The following CADPS variants were observed in gnomAD, a reference collection of about 807,000 sequenced individuals.
The protein encoded by CADPS is calcium-dependent secretion activator 1.
CADPS carries 57 observed loss-of-function variants against 167.3 expected under a neutral mutation model. The ratio of observed to expected loss-of-function variants is 0.34; its 90% CI spans 0.28 to 0.42. The LOEUF (loss-of-function observed/expected upper bound fraction) is 0.42. Ranked by LOEUF, CADPS falls within the 20% of genes least tolerant of loss-of-function variation. The pLI is 1.00. For synonymous variants in CADPS, 676 were observed against 635.3 expected (o/e 1.06, Z -0.96); for missense variants, 1,414 against 1,738.1 (o/e 0.81, Z 3.32).
At chr3:62,703,303 T>A (rs1435405576) in intron 3 of CADPS, among the ~76,000 whole-genome samples, 1 of 152,130 alleles carries the variant, frequency 6.6e-6, no homozygotes, top group Non-Finnish European at 1.5e-5. Flanking sequence ...GAACTCCAGA[T>A]GCTTTTCTAC....
At chr3:62,452,289 T>C (rs144180897) in intron 26 of CADPS, among the ~76,000 whole-genome samples, 21 of 152,338 alleles carry the variant, frequency 1.4e-4, no homozygotes, top group African/African-American at 5.0e-4. Context: ...ATTGCACTTG[T>C]ATATTAAGGT....
intron 11 of CADPS, among the ~76,000 whole-genome samples, chr3:62,547,599 C>CG (rs1553906311): frequency 3.5e-5 from 4 of 113,240 alleles, no homozygotes; most frequent in African/African-American, 8.3e-5. Flanking sequence ...CCCCCCCCCC[C>CG]GCAAATTCTA....
At chr3:62,533,601 T>A (rs2151994014) in intron 12 of CADPS, among the ~76,000 whole-genome samples, 2 of 152,300 alleles carry the variant, frequency 1.3e-5, no homozygotes, top group East Asian at 3.9e-4. Flanking sequence ...CTCACACAGA[T>A]AATACAAAAC....
intron 1 of CADPS, among the ~76,000 whole-genome samples, chr3:62,798,770 C>T (rs2093601631): frequency 6.6e-6 from 1 of 152,092 alleles, no homozygotes; most frequent in Admixed American, 6.6e-5. Context: ...CTTCTTTACA[C>T]AATGTTTCAC....
intron 6 of CADPS, among the ~76,000 whole-genome samples, chr3:62,596,088 TACACACACACACACACAC>T (rs56780830): frequency 0.045 from 6,060 of 135,848 alleles, 160 homozygotes; most frequent in South Asian, 0.069. Context: ...TATATATGTA[TACACACACACACACACAC>T]ACACACACAC....
intron 29 of CADPS, among the ~76,000 whole-genome samples, chr3:62,402,250 G>GC (rs1491049141): frequency 8.2e-6 from 1 of 122,138 alleles, no homozygotes; most frequent in East Asian, 2.7e-4. Context: ...GGGGGGGGGG[G>GC]GTGCCCAGGA....
intron 1 of CADPS, among the ~76,000 whole-genome samples, chr3:62,873,617 C>CTTTTT (rs3047307): frequency 0.11 from 14,425 of 132,058 alleles, 1,005 homozygotes; most frequent in Non-Finnish European, 0.14. Context: ...AAATAGGCGC[C>CTTTTT]TTTTTTTTTT....
chr3:62,583,691 T>C (rs748401645), intron 8 of CADPS, among the ~76,000 whole-genome samples: 1 of 152,200 alleles, frequency 6.6e-6, no homozygotes, highest in Non-Finnish European at 1.5e-5. Context: ...AGCTCACAGG[T>C]GACCTTTGCT....
chr3:62,770,221 T>C lies in CADPS; in HGVS notation c.442-4237A>G, dbSNP rs1205384256. 2.6e-5 allele frequency among the ~76,000 whole-genome samples: 4 copies of C among 152,274 alleles called. No individual in the cohort carries two copies. In the Middle Eastern group the frequency reaches 0.01, roughly 388 times the overall value. On this transcript the variant is annotated intron_variant, in intron 1 of 29. Transcript: ENST00000383710. ...CTTAGGATTCAGCCAAGCCAGCATC[T>C]CCTGGGAAGCTCTTCCCTGACCATT...
At chr3:62,703,535 TA>T (rs755610938) in intron 3 of CADPS, among the ~76,000 whole-genome samples, 51 of 152,258 alleles carry the variant, frequency 3.3e-4, no homozygotes, top group Middle Eastern at 3.4e-3. Context: ...GCCAGGAAGC[TA>T]AAATTGAATT....
chr3:62,778,969 C>T (rs144460030), intron 1 of CADPS, among the ~76,000 whole-genome samples: 3,459 of 151,796 alleles, frequency 0.023, 61 homozygotes, highest in South Asian at 0.061. Context: ...CAGCTCACTG[C>T]AACCTCCACC....
intron 3 of CADPS, among the ~76,000 whole-genome samples, chr3:62,698,757 T>TTTC (rs1554088701): frequency 0.034 from 2,715 of 79,342 alleles, 513 homozygotes; most frequent in East Asian, 0.047. Flanking sequence ...TTTTTTTTTT[T>TTTC]CAGACAGGGT....
chr3:62,709,455 T>G (rs1037424029), intron 3 of CADPS, among the ~76,000 whole-genome samples: 3 of 152,200 alleles, frequency 2.0e-5, no homozygotes, highest in African/African-American at 7.2e-5. Flanking sequence ...AGTTTCCTCC[T>G]GTGAGTTTTC....
At chr3:62,425,770 C>G (rs1397968313) in intron 28 of CADPS, among the ~76,000 whole-genome samples, 1 of 152,136 alleles carries the variant, frequency 6.6e-6, no homozygotes, top group African/African-American at 2.4e-5. Context: ...AGGAGAAGCT[C>G]TGTTAAGGCT....
chr3:62,662,311 T>C lies in CADPS; in HGVS notation c.969+3A>G, dbSNP rs561430193. The C allele has an allele frequency of 3.1e-4, 507 of 1,613,182 alleles. 3 individuals carry two copies. The South Asian group carries it at 5.3e-3, about 17-fold the overall frequency. ...CCAGCAAACAACCACAATGTTTCCT[T>C]ACCCTGGCTATTTGGTCTGCCATTT... is the stretch of plus-strand genomic sequence containing the variant. On this transcript the variant is annotated splice_donor_region_variant and intron_variant, in intron 4 of 29. Transcript: ENST00000383710.
chr3:62,593,741 C>T (rs188837017), intron 6 of CADPS, among the ~76,000 whole-genome samples: 1 of 152,330 alleles, frequency 6.6e-6, no homozygotes, highest in Admixed American at 6.5e-5. Flanking sequence ...TGGGGCTCAG[C>T]TTAAAACCAC....
intron 1 of CADPS, among the ~76,000 whole-genome samples, chr3:62,807,963 T>C (rs1418978208): frequency 6.6e-6 from 1 of 152,076 alleles, no homozygotes; most frequent in Non-Finnish European, 1.5e-5. Context: ...AAACTCCACC[T>C]CCCGGGTTCA....
chr3:62,443,778 T>A (rs1440059243), intron 27 of CADPS, among the ~76,000 whole-genome samples: 2 of 152,204 alleles, frequency 1.3e-5, no homozygotes, highest in African/African-American at 4.8e-5. Flanking sequence ...CTTTCCTTTA[T>A]AAATTATCCA....
At chr3:62,824,339 T>G (rs931476011) in intron 1 of CADPS, among the ~76,000 whole-genome samples, 9 of 152,188 alleles carry the variant, frequency 5.9e-5, no homozygotes, top group African/African-American at 2.2e-4. Context: ...TTAAACTTTG[T>G]GGCAGCAACA....
Sources: gnomAD v4.1 joint callset for allele counts (sites outside exome capture counted in the v4.1 genomes callset) on GRCh38, gnomAD v4.1.1 for gene constraint, MANE v1.5 for transcripts, NCBI Gene and HGNC (gene_info 2026-07-23, HGNC 2026-07-21) for gene names.